The following GPR137B variants were observed in gnomAD, a reference collection of about 807,000 sequenced individuals.
GPR137B encodes the protein integral membrane protein GPR137B.
Under a neutral mutation model 42.5 loss-of-function variants are expected in GPR137B, and 42 were observed. That is an observed-to-expected ratio of 0.99 (90% CI 0.77 to 1.28). The LOEUF is 1.28. GPR137B is among the 50% of genes most tolerant of loss of function. The pLI, the probability that GPR137B is intolerant of heterozygous loss-of-function variation, is 0.00. For missense variants in GPR137B, 487 were observed against 493.9 expected, an observed-to-expected ratio of 0.99 and a Z score of 0.13; for synonymous variants, 218 against 209.7, an observed-to-expected ratio of 1.04 and a Z score of -0.34.
chr1:236,202,079 A>G (rs1663507426), intron 5 of GPR137B, among the ~76,000 whole-genome samples: 1 of 152,038 alleles, frequency 6.6e-6, no homozygotes, highest in Non-Finnish European at 1.5e-5. Flanking sequence ...AATGTCTGCA[A>G]AGAGTCCTGT....
chr1:236,169,771 G>A (rs1489409951), intron 2 of GPR137B, among the ~76,000 whole-genome samples: 3 of 152,134 alleles, frequency 2.0e-5, no homozygotes, highest in Admixed American at 6.5e-5. Context: ...TGGGCACGGT[G>A]GCTCACGCCT....
At position 236,178,510 on chromosome 1, in the gene GPR137B, G is replaced by A. The variant is rs1662758278; in HGVS notation, c.561G>A (p.Arg187=). 1.2e-6 allele frequency: 2 copies of A among 1,613,592 alleles called. No homozygotes were observed. The highest frequency in any genetic ancestry group is 1.7e-6 in the Non-Finnish European group (2 of 1,179,678). ...AVLVKTGNWE[R]KVIVSVRVAI... is the part of the protein sequence containing the mutation. ...TGGTAAAGACGGGAAATTGGGAGAG[G>A]AAGGTTATCGTCTCTGTGCGAGTGG... Residue 187 remains arginine, a synonymous_variant, in exon 3 of 7, where the codon AGG becomes AGA. Transcript: ENST00000366592.
At chr1:236,207,200 C>T (rs144228087) in intron 6 of GPR137B, 45 of 984,926 alleles carry the variant, frequency 4.6e-5, no homozygotes, top group Non-Finnish European at 5.2e-5. Flanking sequence ...CAGAGAAATC[C>T]TGGTCAGATA....
intron 5 of GPR137B, among the ~76,000 whole-genome samples, chr1:236,201,211 CT>C (rs1663483611): frequency 6.6e-6 from 1 of 151,850 alleles, no homozygotes; most frequent in African/African-American, 2.4e-5. Flanking sequence ...TGTTAAACAG[CT>C]TTTAAAATTC....
intron 5 of GPR137B, among the ~76,000 whole-genome samples, chr1:236,200,215 A>C (rs1663453949): frequency 6.6e-6 from 1 of 152,004 alleles, no homozygotes; most frequent in Non-Finnish European, 1.5e-5. Flanking sequence ...CTGAGAGAGT[A>C]CTTGATATAA....
chr1:236,204,552 T>A (rs1663597197), intron 5 of GPR137B, among the ~76,000 whole-genome samples: 1 of 152,170 alleles, frequency 6.6e-6, no homozygotes, highest in Admixed American at 6.5e-5. Context: ...GGAGACTTTT[T>A]ATTATGGCTT....
intron 4 of GPR137B, among the ~76,000 whole-genome samples, chr1:236,181,897 T>TAACC (rs1553364680): frequency 2.5e-3 from 86 of 34,478 alleles, no homozygotes; most frequent in East Asian, 0.014. Context: ...TTTGCTATTT[T>TAACC]TTTTTTTTTT....
In GPR137B at chr1:236,142,632, GAGCGTCCCCGGCCGCGCGGC is replaced by G. The variant is rs983167956; in HGVS notation, c.15_34del (p.Arg9AspfsTer183). ...GCGGCCGTGAGCCCCGATGAGGCCC[GAGCGTCCCCGGCCGCGCGGC>G]AGCGCCCCCGGCCCGATGGAGACCC... On this transcript the variant is annotated frameshift_variant, in exon 1 of 7. Coordinates refer to ENST00000366592, the MANE Select transcript of GPR137B (RefSeq NM_003272.4). LOFTEE classifies it high-confidence loss of function. The G allele has an allele frequency of 7.5e-6, 11 of 1,470,578 alleles. No homozygotes were observed. In the African/African-American group the frequency reaches 1.0e-4, roughly 14 times the overall value. 91.1% of individuals were successfully genotyped at this position (1,470,578 alleles called of 1,614,324 possible).
rs1226431785 is a variant in GPR137B at position 236,208,055 on chromosome 1, C to T, written c.1097C>T (p.Ala366Val). Residue 366 changes from alanine to valine, a missense_variant, in exon 7 of 7, where the codon GCT becomes GTT. Coordinates refer to ENST00000366592, the MANE Select transcript of GPR137B (RefSeq NM_003272.4). ...AATATTTTTTTCTTTTTAAGTTTTGCTCCAGATTACTATGATTGGGGACAA... is the reference window on the plus strand; with the variant it reads ...AATATTTTTTTCTTTTTAAGTTTTGTTCCAGATTACTATGATTGGGGACAA... ...IAPQGLQGGF[A>V]PDYYDWGQQT... 6.2e-7 allele frequency: 1 copy of T among 1,609,754 alleles called. No homozygotes were observed. The highest frequency in any genetic ancestry group is 1.7e-5 in the Admixed American group (1 of 59,974).
In GPR137B at chr1:236,187,520, A is replaced by C. The variant is rs767045015; in HGVS notation, c.966+3614A>C. 6.7e-4 allele frequency among the ~76,000 whole-genome samples: 102 copies of C among 152,160 alleles called. 1 individual carries two copies. Among genetic ancestry groups the C allele is most frequent in the Non-Finnish European group, 1.4e-3 (95 of 68,028 alleles). On this transcript the variant is annotated intron_variant, in intron 5 of 6. Coordinates refer to ENST00000366592, the MANE Select transcript of GPR137B (RefSeq NM_003272.4). ...GTTAACTTTTGTATAAGGTGTAAGGAAGGGGTCCAGTTTCAGTTTTCTGCA... is the reference window on the plus strand; with the variant it reads ...GTTAACTTTTGTATAAGGTGTAAGGCAGGGGTCCAGTTTCAGTTTTCTGCA...
chr1:236,163,451 A>G (rs1317108289), intron 1 of GPR137B, among the ~76,000 whole-genome samples: 1 of 152,132 alleles, frequency 6.6e-6, no homozygotes, highest in Admixed American at 6.5e-5. Context: ...AGGACGTGAG[A>G]TTAGGAGGGG....
At chr1:236,169,153 C>G (rs1043066205) in intron 2 of GPR137B, among the ~76,000 whole-genome samples, 3 of 149,942 alleles carry the variant, frequency 2.0e-5, no homozygotes, top group Non-Finnish European at 4.4e-5. Flanking sequence ...TTCCCCATCC[C>G]GCACCTCCCA....
In GPR137B at chr1:236,192,012, G is replaced by A. The variant is rs374288644; in HGVS notation, c.966+8106G>A. Among the ~76,000 whole-genome samples the A allele has an allele frequency of 3.9e-5, 6 of 152,224 alleles. No individual in the cohort carries two copies. In the East Asian group the frequency reaches 7.7e-4, roughly 20 times the overall value. ...GACTGGGGCTGCTGCCTTTTTTTCA[G>A]AGATGCCCTGCCCAGAGAGGAGAAA... On this transcript the variant is annotated intron_variant, in intron 5 of 6. Transcript: ENST00000366592.
chr1:236,146,507 G>T (rs2102887890), intron 1 of GPR137B, among the ~76,000 whole-genome samples: 1 of 152,238 alleles, frequency 6.6e-6, no homozygotes, highest in East Asian at 1.9e-4. Flanking sequence ...CTTTTGCAGG[G>T]TCCCTGTACC....
rs1168646733 is a variant in GPR137B, at chr1:236,165,586, G to A, written c.415-3120G>A. On this transcript the variant is annotated intron_variant, in intron 1 of 6. Transcript: ENST00000366592. ...TTGCTTCTCCTTTGTTGTTGTTATCGTTACTCTTATTAAGGCTGCAGTGAA... is the reference window on the plus strand; with the variant it reads ...TTGCTTCTCCTTTGTTGTTGTTATCATTACTCTTATTAAGGCTGCAGTGAA... 5.3e-5 allele frequency among the ~76,000 whole-genome samples: 8 copies of A among 152,052 alleles called. No individual in the cohort carries two copies. The East Asian group carries it at 9.6e-4, about 18-fold the overall frequency.
chr1:236,151,093 G>A (rs528871903), intron 1 of GPR137B, among the ~76,000 whole-genome samples: 13 of 152,218 alleles, frequency 8.5e-5, no homozygotes, highest in South Asian at 2.1e-4. Context: ...TTGGCCTTGC[G>A]TTTCCAGTGA....
chr1:236,179,904 C>A lies in GPR137B; in HGVS notation c.713C>A (p.Ala238Asp). 1 of 1,596,520 alleles carries A rather than the reference C, an allele frequency of 6.3e-7. No homozygotes were observed. The highest frequency in any genetic ancestry group is 1.1e-5 in the South Asian group (1 of 87,316). The change falls in exon 4 of 7, where the codon GCC becomes GAC. Residue 238 changes from alanine to aspartate, a missense_variant. By Grantham distance (126) the Ala-to-Asp change is moderately radical (BLOSUM62 -2). Coordinates refer to ENST00000366592, the MANE Select transcript of GPR137B (RefSeq NM_003272.4). ...GGCTCCTCCGTGTGTCAAGTGACTGCCATCGGTGTCACCGTGATACTGCTT... is the reference window on the plus strand; with the variant it reads ...GGCTCCTCCGTGTGTCAAGTGACTGACATCGGTGTCACCGTGATACTGCTT... ...SKGSSVCQVT[A>D]IGVTVILLYT...
intron 2 of GPR137B, among the ~76,000 whole-genome samples, chr1:236,173,565 G>T (rs960744385): frequency 2.0e-5 from 3 of 152,122 alleles, no homozygotes; most frequent in Non-Finnish European, 4.4e-5. Flanking sequence ...TTGAAGACTC[G>T]CCTCATCCCT....
At chr1:236,184,535 T>TA (rs1025841823) in intron 5 of GPR137B, among the ~76,000 whole-genome samples, 10 of 152,146 alleles carry the variant, frequency 6.6e-5, no homozygotes, top group Admixed American at 3.3e-4. Context: ...CTTTTTGACT[T>TA]ACTGATCTAT....
Sources: allele counts gnomAD v4.1 joint callset (sites outside exome capture counted in the v4.1 genomes callset), GRCh38; gene constraint gnomAD v4.1.1; transcripts MANE v1.5; gene names NCBI Gene and HGNC (gene_info 2026-07-23, HGNC 2026-07-21).